CTNNA3: variants seen among roughly 807,000 people sequenced by gnomAD.
The protein encoded by CTNNA3 is catenin alpha 3.
In CTNNA3, 76 loss-of-function variants were observed where a neutral mutation model predicts 95.7. The observed-to-expected ratio is 0.79, with a 90% CI of 0.66 to 0.96. The LOEUF (loss-of-function observed/expected upper bound fraction) is 0.96, where lower values mean the gene tolerates loss of function less well. Among genes scored for constraint, CTNNA3 ranks in the 40% least tolerant of loss-of-function variants. The pLI is 0.00. For missense variants in CTNNA3, 1,191 were observed against 1,089.8 expected, an observed-to-expected ratio of 1.09 and a Z score of -1.31; for synonymous variants, 431 against 374.4, an observed-to-expected ratio of 1.15 and a Z score of -1.74.
chr10:67,375,337 G>A (rs1818350637), intron 5 of CTNNA3, among the ~76,000 whole-genome samples: 1 of 152,184 alleles, frequency 6.6e-6, no homozygotes, highest in African/African-American at 2.4e-5. Flanking sequence ...CGGGTGCAGT[G>A]GCTCATGCCT....
rs568209214 is a variant in CTNNA3, at chr10:66,914,782, G to A, written c.1048-139258C>T. The stretch of plus-strand genomic sequence containing the variant: ...TTTGCCATCTCTCAACTCTGCCATT[G>A]TAGCTTGAAGACAACCATAGACAAT... On this transcript the variant is annotated intron_variant, in intron 7 of 17. Transcript: ENST00000433211. Among the ~76,000 whole-genome samples the A allele has an allele frequency of 2.6e-5, 4 of 152,290 alleles. No homozygotes were observed. In the South Asian group the frequency reaches 8.3e-4, roughly 32 times the overall value.
At chr10:66,894,137 A>C (rs1845382219) in intron 7 of CTNNA3, among the ~76,000 whole-genome samples, 1 of 152,070 alleles carries the variant, frequency 6.6e-6, no homozygotes, top group African/African-American at 2.4e-5. Context: ...AATTTATTAG[A>C]TGGTGTCACA....
At position 66,551,290 on chromosome 10, in the gene CTNNA3, A is replaced by G. The variant is rs186194598; in HGVS notation, c.1375-30517T>C. On this transcript the variant is annotated intron_variant, in intron 10 of 17. Coordinates refer to ENST00000433211, the MANE Select transcript of CTNNA3 (RefSeq NM_013266.4). ...TAAAATGTTGTTTCCCTGTCTTCTG[A>G]CCTTCATTTTTTCTGATGAGACATT... 1.6e-3 allele frequency among the ~76,000 whole-genome samples: 239 copies of G among 151,962 alleles called. 2 individuals carry two copies. Among genetic ancestry groups the G allele is most frequent in the Non-Finnish European group, 2.0e-3 (134 of 67,968 alleles).
intron 5 of CTNNA3, among the ~76,000 whole-genome samples, chr10:67,317,886 A>G (rs1841126947): frequency 7.0e-6 from 1 of 142,740 alleles, no homozygotes; most frequent in South Asian, 2.3e-4. Context: ...GTTTATTTTT[A>G]TAGCCCTTGT....
intron 5 of CTNNA3, among the ~76,000 whole-genome samples, chr10:67,357,202 T>C (rs1842840557): frequency 6.6e-6 from 1 of 152,100 alleles, no homozygotes; most frequent in Non-Finnish European, 1.5e-5. Flanking sequence ...CTCTCCTCAC[T>C]GTCTGAAATG....
Position 66,609,098 on chromosome 10 carries a change from C to T in CTNNA3, c.1374+12594G>A, listed in dbSNP as rs541209139. Among the ~76,000 whole-genome samples, 5 of 151,706 alleles carry T rather than the reference C, an allele frequency of 3.3e-5. No homozygotes were observed. The East Asian group carries it at 5.9e-4, about 18-fold the overall frequency. ...TTTTTGAGACAGAGTCTCACTGTGT[C>T]GCCCAGGCTGGACTGCAGTGGTGTG... is the stretch of plus-strand genomic sequence containing the variant. On this transcript the variant is annotated intron_variant, in intron 10 of 17. Transcript: ENST00000433211.
chr10:67,040,237 C>T (rs1303376876), intron 7 of CTNNA3, among the ~76,000 whole-genome samples: 8 of 152,042 alleles, frequency 5.3e-5, no homozygotes, highest in Non-Finnish European at 7.4e-5. Flanking sequence ...GACATTTGCT[C>T]GGTCTACATG....
chr10:66,613,716 G>A (rs570896480), intron 10 of CTNNA3, among the ~76,000 whole-genome samples: 48 of 151,182 alleles, frequency 3.2e-4, no homozygotes, highest in Non-Finnish European at 4.4e-4. Context: ...ACATTATGAC[G>A]CGACTGTTTG....
chr10:66,065,483 G>T lies in CTNNA3; in HGVS notation c.2159+3825C>A, dbSNP rs185675567. ...TTCTCTTACCTATCTTTTTAAATAAGGTTTTTTTCCATTCACCATTTCGTA... is the reference window on the plus strand; with the variant it reads ...TTCTCTTACCTATCTTTTTAAATAATGTTTTTTTCCATTCACCATTTCGTA... On this transcript the variant is annotated intron_variant, in intron 15 of 17. Coordinates refer to ENST00000433211, the MANE Select transcript of CTNNA3 (RefSeq NM_013266.4). Among the ~76,000 whole-genome samples the T allele has an allele frequency of 2.6e-5, 4 of 151,896 alleles. No individual in the cohort carries two copies. The East Asian group carries it at 7.7e-4, about 29-fold the overall frequency.
chr10:66,092,449 T>C (rs2133698062), intron 14 of CTNNA3, among the ~76,000 whole-genome samples: 1 of 152,044 alleles, frequency 6.6e-6, no homozygotes, highest in South Asian at 2.1e-4. Context: ...CAGGCCTCCC[T>C]TTTAGTTTCA....
chr10:66,858,537 T>C (rs1165120370), intron 7 of CTNNA3, among the ~76,000 whole-genome samples: 7 of 152,026 alleles, frequency 4.6e-5, no homozygotes, highest in Non-Finnish European at 8.8e-5. Context: ...GGTCCTGGGC[T>C]TTTTCTGGTT....
chr10:66,251,641 T>C (rs1014146703), intron 13 of CTNNA3, among the ~76,000 whole-genome samples: 3 of 152,146 alleles, frequency 2.0e-5, no homozygotes, highest in Non-Finnish European at 4.4e-5. Flanking sequence ...GCTCATATAA[T>C]AATATTACAG....
At chr10:66,381,800 T>C (rs1408096401) in intron 11 of CTNNA3, among the ~76,000 whole-genome samples, 3 of 152,156 alleles carry the variant, frequency 2.0e-5, no homozygotes, top group African/African-American at 4.8e-5. Flanking sequence ...CTACAGTAAA[T>C]ACAGTCATGG....
chr10:66,318,154 G>A (rs2092127255), intron 12 of CTNNA3, among the ~76,000 whole-genome samples: 1 of 151,860 alleles, frequency 6.6e-6, no homozygotes, highest in East Asian at 1.9e-4. Flanking sequence ...GGCCCAGTGG[G>A]ATAGCAGGGT....
rs72637089 is a variant in CTNNA3, at chr10:66,878,959, A to G, written c.1048-103435T>C. On this transcript the variant is annotated intron_variant, in intron 7 of 17. Transcript: ENST00000433211. ...CTTAAATAATGTGAGTGGTAAATTA[A>G]CTATTTTTGAGCAATAACTGTCAGG... Among the ~76,000 whole-genome samples, 4,516 of 152,272 alleles carry G rather than the reference A, an allele frequency of 0.03. 372 individuals are homozygous for G. In the East Asian group the frequency reaches 0.34, roughly 11 times the overall value.
chr10:67,464,842 T>C (rs1297958511), intron 5 of CTNNA3, among the ~76,000 whole-genome samples: 1 of 150,356 alleles, frequency 6.7e-6, no homozygotes, highest in East Asian at 2.0e-4. Flanking sequence ...TTTCTTATCA[T>C]CCTCTTCAAA....
At chr10:67,760,064 G>A (rs1461089205) in intron 1 of CTNNA3, among the ~76,000 whole-genome samples, 3 of 152,114 alleles carry the variant, frequency 2.0e-5, no homozygotes, top group Admixed American at 1.3e-4. Context: ...AATAGAAAAC[G>A]AATACAAGTC....
intron 13 of CTNNA3, among the ~76,000 whole-genome samples, chr10:66,260,489 C>T (rs1055107935): frequency 5.9e-5 from 9 of 152,136 alleles, no homozygotes; most frequent in African/African-American, 1.4e-4. Context: ...TCACTGTGTA[C>T]ACATTAATAA....
intron 1 of CTNNA3, among the ~76,000 whole-genome samples, chr10:67,732,061 T>A (rs1015773835): frequency 3.9e-4 from 59 of 151,624 alleles, no homozygotes; most frequent in Non-Finnish European, 2.9e-5. Context: ...ATTACAGGCG[T>A]GAGCCATCAT....
Sources: allele counts gnomAD v4.1 joint callset (sites outside exome capture counted in the v4.1 genomes callset), GRCh38; gene constraint gnomAD v4.1.1; transcripts MANE v1.5; gene names NCBI Gene and HGNC (gene_info 2026-07-23, HGNC 2026-07-21).